The following SREBF2 variants were observed in gnomAD, a reference collection of about 807,000 sequenced individuals.
SREBF2 encodes the protein sterol regulatory element binding transcription factor 2.
SREBF2 carries 55 observed loss-of-function variants against 113.1 expected under a neutral mutation model. The ratio of observed to expected loss-of-function variants is 0.49; its 90% CI spans 0.39 to 0.61. The LOEUF (loss-of-function observed/expected upper bound fraction) is 0.61, where lower values mean the gene tolerates loss of function less well. SREBF2 is among the 20% of genes least tolerant of loss of function. SREBF2 has a pLI of 0.00. For synonymous variants in SREBF2, 593 were observed against 605.7 expected (o/e 0.98, Z 0.31); for missense variants, 1,349 against 1,487.4 (o/e 0.91, Z 1.53).
At chr22:41,896,506 C>T (rs765060084) in intron 13 of SREBF2, among the ~76,000 whole-genome samples, 45 of 152,104 alleles carry the variant, frequency 3.0e-4, no homozygotes, top group Non-Finnish European at 5.4e-4. Flanking sequence ...ATTACAGGCA[C>T]GCGCCACCAT....
chr22:41,889,944 G>A (rs1227209293), intron 11 of SREBF2, among the ~76,000 whole-genome samples: 1 of 152,134 alleles, frequency 6.6e-6, no homozygotes, highest in African/African-American at 2.4e-5. Context: ...GTTGCCGTGA[G>A]CCGAGATTGT....
At chr22:41,851,021 G>A (rs574176331) in intron 1 of SREBF2, among the ~76,000 whole-genome samples, 2 of 152,210 alleles carry the variant, frequency 1.3e-5, no homozygotes, top group African/African-American at 4.8e-5. Context: ...GATTACAGGC[G>A]TGAGCCACCA....
At chr22:41,861,808 A>C (rs1602294310) in intron 1 of SREBF2, among the ~76,000 whole-genome samples, 1 of 152,006 alleles carries the variant, frequency 6.6e-6, no homozygotes, top group African/African-American at 2.4e-5. Context: ...CTGTAGCCCC[A>C]GCTACTTGGG....
intron 14 of SREBF2, 117 bp from the exon 15 acceptor site, chr22:41,898,532 C>T (rs951602160): frequency 6.4e-6 from 9 of 1,395,518 alleles, no homozygotes; most frequent in African/African-American, 1.4e-5. Context: ...GCTGCTGGCC[C>T]GTTCCCAGCA....
chr22:41,833,468 A>T lies in SREBF2; in HGVS notation c.88+110A>T. On this transcript the variant is annotated intron_variant, in intron 1 of 18. Transcript: ENST00000361204. This position sits in a 1 kb window ranked among gnomAD's most constrained non-coding sequence, Gnocchi z 4.1. ...CCCCGACAGCCCCGGTTCGCGCGGG[A>T]AGAACCCCGTGCGCACGGTGCCCCC... is the stretch of plus-strand genomic sequence containing the variant. The T allele has an allele frequency of 1.1e-6, 1 of 944,202 alleles. No individual in the cohort carries two copies. Among genetic ancestry groups the T allele is most frequent in the Non-Finnish European group, 1.5e-6 (1 of 647,206 alleles). 58.5% of individuals were successfully genotyped at this position (944,202 alleles called of 1,614,324 possible).
chr22:41,873,506 CAT>C (rs1375203413), intron 4 of SREBF2, among the ~76,000 whole-genome samples: 1 of 152,146 alleles, frequency 6.6e-6, no homozygotes, highest in East Asian at 1.9e-4. Context: ...AAGCAGAAAT[CAT>C]ATGACTTGTT....
chr22:41,835,647 A>G (rs543907830), intron 1 of SREBF2, among the ~76,000 whole-genome samples: 23 of 146,638 alleles, frequency 1.6e-4, no homozygotes, highest in Non-Finnish European at 2.1e-4. Context: ...AATTTTTTTT[A>G]GAGACAGTGT....
chr22:41,860,964 A>G (rs1482581391), intron 1 of SREBF2, among the ~76,000 whole-genome samples: 2 of 152,362 alleles, frequency 1.3e-5, no homozygotes, highest in East Asian at 1.9e-4. Flanking sequence ...ACACTGGTAC[A>G]GTACAATGGC....
chr22:41,886,833 A>G (rs932744928), intron 11 of SREBF2, among the ~76,000 whole-genome samples: 3 of 152,230 alleles, frequency 2.0e-5, no homozygotes, highest in Non-Finnish European at 1.5e-5. Flanking sequence ...CAGGAGTTCA[A>G]GACCAGCCTG....
intron 1 of SREBF2, among the ~76,000 whole-genome samples, chr22:41,864,343 C>A (rs1232518739): frequency 2.6e-5 from 3 of 114,048 alleles, no homozygotes; most frequent in Non-Finnish European, 5.1e-5. Flanking sequence ...TTTTTTGAGA[C>A]TGAGTCTCGC....
At chr22:41,886,465 C>G (rs1261068601) in intron 11 of SREBF2, among the ~76,000 whole-genome samples, 1 of 152,040 alleles carries the variant, frequency 6.6e-6, no homozygotes, top group Admixed American at 6.6e-5. Context: ...TCCATGCCCC[C>G]CAAAAATGTT....
At chr22:41,897,010 T>G in intron 13 of SREBF2, 42 bp from the exon 14 acceptor site, 1 of 1,416,878 alleles carries the variant, frequency 7.1e-7, no homozygotes, top group Non-Finnish European at 9.9e-7. Context: ...GGGCCTTGTG[T>G]ATATGTTTTG....
chr22:41,859,096 C>T (rs2077002410), intron 1 of SREBF2, among the ~76,000 whole-genome samples: 1 of 149,458 alleles, frequency 6.7e-6, no homozygotes, highest in African/African-American at 2.5e-5. Flanking sequence ...GCACTCCAGC[C>T]TGGGCGACAG....
chr22:41,873,597 C>A, intron 4 of SREBF2: 1 of 609,130 alleles, frequency 1.6e-6, no homozygotes, highest in South Asian at 1.9e-5. Flanking sequence ...AGCAGTGATT[C>A]TTGAAGGGAG....
At chr22:41,886,460 GC>G (rs1156261301) in intron 11 of SREBF2, among the ~76,000 whole-genome samples, 2 of 152,018 alleles carry the variant, frequency 1.3e-5, no homozygotes, top group Non-Finnish European at 2.9e-5. Flanking sequence ...TAACTTCCAT[GC>G]CCCCCAAAAA....
intron 11 of SREBF2, chr22:41,891,306 T>C (rs1317295102): frequency 1.3e-5 from 2 of 152,166 alleles, no homozygotes; most frequent in East Asian, 3.9e-4. Context: ...GTCGCGAGGG[T>C]CCTCTACATT....
At chr22:41,875,074 A>G (rs1245349605) in intron 5 of SREBF2, among the ~76,000 whole-genome samples, 1 of 152,232 alleles carries the variant, frequency 6.6e-6, no homozygotes, top group Admixed American at 6.5e-5. Context: ...TAAGCCCTTT[A>G]CACTCATTAT....
chr22:41,871,986 C>T (rs573896587), intron 4 of SREBF2, among the ~76,000 whole-genome samples: 2 of 151,298 alleles, frequency 1.3e-5, no homozygotes, highest in Non-Finnish European at 1.5e-5. Context: ...CGCAGTGGCT[C>T]ACACCTGTAA....
Position 41,899,580 on chromosome 22 carries a change from T to C in SREBF2, c.2739-750T>C, listed in dbSNP as rs1011888846. On this transcript the variant is annotated intron_variant, in intron 15 of 18. Coordinates refer to ENST00000361204, the MANE Select transcript of SREBF2 (RefSeq NM_004599.4). ...TGAGTATACACAGGCTTGAAGTCCT[T>C]TGTTCCCTGAAGTAGATGTGACACC... 31 of 991,368 alleles carry C rather than the reference T, an allele frequency of 3.1e-5. No homozygotes were observed. The African/African-American group carries it at 4.7e-4, about 15-fold the overall frequency. The allele number at this position is 991,368 out of a possible 1,614,324, so 61.4% of individuals were successfully genotyped here. A position where few individuals can be genotyped will look rare whatever the true frequency, so the allele number is the denominator to read the frequency against.
Sources: gnomAD v4.1 joint callset for allele counts (sites outside exome capture counted in the v4.1 genomes callset) on GRCh38, gnomAD v4.1.1 for gene constraint, Gnocchi (gnomAD v3.1) non-coding constraint, MANE v1.5 for transcripts, NCBI Gene and HGNC (gene_info 2026-07-23, HGNC 2026-07-21) for gene names.